ELMO1: variants seen among roughly 807,000 people sequenced by gnomAD.
The protein encoded by ELMO1 is engulfment and cell motility 1.
In ELMO1, 26 loss-of-function variants were observed where a neutral mutation model predicts 98.9. That is an observed-to-expected ratio of 0.26 (90% CI 0.19 to 0.36). ELMO1 has a LOEUF of 0.36. Among genes scored for constraint, ELMO1 ranks in the 10% least tolerant of loss-of-function variants. The pLI is 1.00. For missense variants in ELMO1, 627 were observed against 935.2 expected (o/e 0.67, Z 4.30); for synonymous variants, 346 against 346.0 (o/e 1.00, Z 0.00).
intron 15 of ELMO1, among the ~76,000 whole-genome samples, chr7:37,015,286 A>G (rs1793855388): frequency 6.6e-6 from 1 of 151,988 alleles, no homozygotes; most frequent in African/African-American, 2.4e-5. Context: ...TACCTTTCTG[A>G]GCTTCAATTT....
chr7:37,114,675 A>T (rs1563010399), intron 14 of ELMO1, among the ~76,000 whole-genome samples: 1 of 152,186 alleles, frequency 6.6e-6, no homozygotes. Flanking sequence ...ATACAAAATC[A>T]AGCATCTAAG....
chr7:37,255,302 T>C (rs1016320), intron 6 of ELMO1, among the ~76,000 whole-genome samples: 48,202 of 151,958 alleles, frequency 0.32, 7,774 homozygotes, highest in Middle Eastern at 0.43. Flanking sequence ...GATGTGCACA[T>C]GAGGACAGAG....
At chr7:37,122,104 C>T (rs1584679512) in intron 14 of ELMO1, among the ~76,000 whole-genome samples, 6 of 152,106 alleles carry the variant, frequency 3.9e-5, no homozygotes, top group African/African-American at 1.2e-4. Flanking sequence ...TTTGTCACCA[C>T]AAGGCCTGCC....
intron 13 of ELMO1, among the ~76,000 whole-genome samples, chr7:37,170,263 G>A (rs1339276912): frequency 6.6e-6 from 1 of 152,250 alleles, no homozygotes; most frequent in Non-Finnish European, 1.5e-5. Context: ...ATTTCACAAT[G>A]AATGGCATCT....
At chr7:37,335,624 G>A (rs1425083674) in intron 2 of ELMO1, among the ~76,000 whole-genome samples, 1 of 152,152 alleles carries the variant, frequency 6.6e-6, no homozygotes, top group Admixed American at 6.5e-5. Context: ...AAATGAAAAT[G>A]GGACAATACA....
chr7:37,369,783 T>C (rs1015644617), intron 1 of ELMO1, among the ~76,000 whole-genome samples: 4 of 150,976 alleles, frequency 2.6e-5, no homozygotes, highest in African/African-American at 9.7e-5. Flanking sequence ...AATAAAAAAA[T>C]AGAAACCACA....
chr7:36,953,132 A>T (rs1788132047), intron 16 of ELMO1, among the ~76,000 whole-genome samples: 1 of 151,630 alleles, frequency 6.6e-6, no homozygotes, highest in Non-Finnish European at 1.5e-5. Flanking sequence ...CGCCCGGCTA[A>T]TTTTTTTGTA....
At chr7:36,998,376 C>T (rs558933318) in intron 16 of ELMO1, among the ~76,000 whole-genome samples, 2 of 151,984 alleles carry the variant, frequency 1.3e-5, no homozygotes, top group South Asian at 4.2e-4. Flanking sequence ...AGTCGTATTT[C>T]TTCTCTTGAG....
At chr7:37,079,001 A>T (rs1797724829) in intron 15 of ELMO1, among the ~76,000 whole-genome samples, 1 of 152,224 alleles carries the variant, frequency 6.6e-6, no homozygotes, top group Admixed American at 6.5e-5. Flanking sequence ...TAAATTTTTT[A>T]GCATTGAGCA....
rs1352074448 is a variant in ELMO1 at position 37,138,978 on chromosome 7, T to C, written c.1087-5744A>G. On this transcript the variant is annotated intron_variant, in intron 13 of 21. Transcript: ENST00000310758. ...AACAGAATCAAAAACGAAAATCATA[T>C]GATCATCTCAACAGATGCAGAAAAT... is the stretch of plus-strand genomic sequence containing the variant. Among the ~76,000 whole-genome samples the C allele has an allele frequency of 5.3e-5, 8 of 152,318 alleles. No individual in the cohort carries two copies. In the East Asian group the frequency reaches 1.5e-3, roughly 29 times the overall value.
intron 6 of ELMO1, among the ~76,000 whole-genome samples, chr7:37,249,818 C>T (rs527266906): frequency 2.0e-4 from 30 of 152,196 alleles, no homozygotes; most frequent in Non-Finnish European, 4.1e-4. Context: ...GTAGCTCACA[C>T]CTATAATCCC....
intron 2 of ELMO1, among the ~76,000 whole-genome samples, chr7:37,322,575 C>A (rs950209589): frequency 6.6e-6 from 1 of 150,864 alleles, no homozygotes; most frequent in Non-Finnish European, 1.5e-5. Context: ...GAGCTGAGAC[C>A]GCGCTACTGC....
chr7:37,063,794 T>C (rs942879094), intron 15 of ELMO1, among the ~76,000 whole-genome samples: 3 of 152,036 alleles, frequency 2.0e-5, no homozygotes, highest in African/African-American at 7.2e-5. Flanking sequence ...ATTGCAACAC[T>C]CAAGTTTTTG....
intron 16 of ELMO1, among the ~76,000 whole-genome samples, chr7:36,972,273 A>G (rs1284320502): frequency 1.3e-5 from 2 of 152,246 alleles, no homozygotes; most frequent in Non-Finnish European, 2.9e-5. Flanking sequence ...CGGGAAGGAG[A>G]TAACAACTCG....
chr7:37,329,535 A>G (rs2131187503), intron 2 of ELMO1, among the ~76,000 whole-genome samples: 1 of 152,312 alleles, frequency 6.6e-6, no homozygotes, highest in East Asian at 1.9e-4. Context: ...AGGGGATTGC[A>G]CTGGGGTTGA....
At chr7:37,135,864 C>T (rs1290517816) in intron 13 of ELMO1, among the ~76,000 whole-genome samples, 2 of 152,106 alleles carry the variant, frequency 1.3e-5, no homozygotes, top group Non-Finnish European at 2.9e-5. Context: ...GCAATGGATC[C>T]AAACCAAGAT....
Position 37,010,172 on chromosome 7 carries a change from A to G in ELMO1, c.1437+3127T>C, listed in dbSNP as rs991990010. On this transcript the variant is annotated intron_variant, in intron 16 of 21. Transcript: ENST00000310758. ...TCACTAGCAGAACTCTGTGACAGGT[A>G]TCATGTCTACCAGCAAAAAGAAAAG... Among the ~76,000 whole-genome samples the G allele has an allele frequency of 3.9e-5, 6 of 152,246 alleles. No homozygotes were observed. In the East Asian group the frequency reaches 1.2e-3, roughly 29 times the overall value.
At chr7:36,995,770 T>G (rs578017787) in intron 16 of ELMO1, among the ~76,000 whole-genome samples, 7 of 152,322 alleles carry the variant, frequency 4.6e-5, no homozygotes, top group Non-Finnish European at 1.0e-4. Flanking sequence ...GAAATGAACA[T>G]CTATATGCAC....
At position 36,985,209 on chromosome 7, in the gene ELMO1, A is replaced by T. The variant is rs1463038238; in HGVS notation, c.1437+28090T>A. 1.6e-5 allele frequency: 12 copies of T among 736,044 alleles called. 1 individual carries two copies. In the South Asian group the frequency reaches 7.4e-4, roughly 45 times the overall value. The allele number at this position is 736,044 out of a possible 1,614,324, so 45.6% of individuals were successfully genotyped here. The stretch of plus-strand genomic sequence containing the variant: ...CCTGGCAGAGAGCCAATCCTTGAAT[A>T]TAACTTTGCAAACCCTCTCTGGTTT... On this transcript the variant is annotated intron_variant, in intron 16 of 21. Transcript: ENST00000310758.
Sources: gnomAD v4.1 joint callset for allele counts (sites outside exome capture counted in the v4.1 genomes callset) on GRCh38, gnomAD v4.1.1 for gene constraint, MANE v1.5 for transcripts, NCBI Gene and HGNC (gene_info 2026-07-23, HGNC 2026-07-21) for gene names.